The following WDR70 variants were observed in gnomAD, a reference collection of about 807,000 sequenced individuals.
WDR70 encodes WD repeat-containing protein 70.
Under a neutral mutation model 88.6 loss-of-function variants are expected in WDR70, and 53 were observed. That is an observed-to-expected ratio of 0.60 (90% CI 0.48 to 0.75). The LOEUF (loss-of-function observed/expected upper bound fraction) is 0.75. Ranked by LOEUF, WDR70 falls within the 30% of genes least tolerant of loss-of-function variation. WDR70 has a pLI of 0.00. For missense variants in WDR70, 610 were observed against 823.2 expected, an observed-to-expected ratio of 0.74 and a Z score of 3.17; for synonymous variants, 280 against 270.0, an observed-to-expected ratio of 1.04 and a Z score of -0.36.
chr5:37,540,959 C>T (rs968860101), intron 9 of WDR70, among the ~76,000 whole-genome samples: 1 of 152,164 alleles, frequency 6.6e-6, no homozygotes, highest in Non-Finnish European at 1.5e-5. Context: ...GGTTATAAAA[C>T]TCAGCATTCA....
At chr5:37,415,695 G>C (rs1749710483) in intron 5 of WDR70, among the ~76,000 whole-genome samples, 1 of 150,846 alleles carries the variant, frequency 6.6e-6, no homozygotes, top group Admixed American at 6.6e-5. Flanking sequence ...CCGGGCGGAG[G>C]GGCTCCTCAC....
rs534459897 is a variant in WDR70 at position 37,729,375 on chromosome 5, C to T, written c.1877+2330C>T. ...GCATACTAAGCTACCCATCTACACA[C>T]ATCTGTGTTTCTGAATGTATCAATC... is the stretch of plus-strand genomic sequence containing the variant. On this transcript the variant is annotated intron_variant, in intron 17 of 17. Transcript: ENST00000265107. Among the ~76,000 whole-genome samples the T allele has an allele frequency of 3.3e-5, 5 of 152,334 alleles. No homozygotes were observed. In the South Asian group the frequency reaches 1.0e-3, roughly 32 times the overall value.
intron 9 of WDR70, among the ~76,000 whole-genome samples, chr5:37,552,071 C>T (rs190027909): frequency 6.6e-4 from 100 of 152,016 alleles, no homozygotes; most frequent in African/African-American, 2.3e-3. Flanking sequence ...TGCACCCAGC[C>T]GAGCTCCATA....
At chr5:37,405,370 A>G (rs1222572591) in intron 5 of WDR70, among the ~76,000 whole-genome samples, 1 of 150,154 alleles carries the variant, frequency 6.7e-6, no homozygotes, top group East Asian at 1.9e-4. Flanking sequence ...TTTTTTTGAG[A>G]CAGACCCTCA....
At chr5:37,488,077 C>CTTT (rs34361001) in intron 8 of WDR70, among the ~76,000 whole-genome samples, 1 of 126,320 alleles carries the variant, frequency 7.9e-6, no homozygotes. Context: ...TCTTGGGTGG[C>CTTT]TTTTTTTTTT....
At chr5:37,637,003 T>C (rs996782127) in intron 10 of WDR70, among the ~76,000 whole-genome samples, 1 of 152,176 alleles carries the variant, frequency 6.6e-6, no homozygotes, top group African/African-American at 2.4e-5. Flanking sequence ...TGGACCTCTC[T>C]AACATTTTTA....
chr5:37,590,414 G>T (rs1210434441), intron 9 of WDR70, among the ~76,000 whole-genome samples: 1 of 152,140 alleles, frequency 6.6e-6, no homozygotes, highest in Non-Finnish European at 1.5e-5. Flanking sequence ...TTGGGAGAGT[G>T]TGTTTTGAGG....
At chr5:37,615,521 A>G (rs961698213) in intron 10 of WDR70, among the ~76,000 whole-genome samples, 1 of 152,224 alleles carries the variant, frequency 6.6e-6, no homozygotes, top group Non-Finnish European at 1.5e-5. Flanking sequence ...GTGTTAGTGC[A>G]AAGGGACGTC....
chr5:37,505,252 A>G (rs1045074161), intron 8 of WDR70, among the ~76,000 whole-genome samples: 9 of 152,192 alleles, frequency 5.9e-5, no homozygotes, highest in Admixed American at 2.0e-4. Flanking sequence ...AGCTGGCCTT[A>G]TGTAAATTAT....
chr5:37,734,776 G>A (rs961292204), intron 17 of WDR70, among the ~76,000 whole-genome samples: 1 of 152,074 alleles, frequency 6.6e-6, no homozygotes, highest in Non-Finnish European at 1.5e-5. Flanking sequence ...GCGAACACAA[G>A]AGGCCTTTAC....
chr5:37,605,329 GAA>G (rs1388320796), intron 10 of WDR70, 91 bp downstream of exon 10: 2 of 1,365,030 alleles, frequency 1.5e-6, no homozygotes, highest in Non-Finnish European at 1.9e-6. Flanking sequence ...AAAGTATTAT[GAA>G]GGTGAATTTC....
chr5:37,443,812 A>G (rs1311825207), intron 7 of WDR70, among the ~76,000 whole-genome samples: 2 of 152,038 alleles, frequency 1.3e-5, no homozygotes, highest in Non-Finnish European at 2.9e-5. Context: ...AGATTGTGCC[A>G]CTGCACTCCA....
chr5:37,491,328 AGAG>A (rs1274445098), intron 8 of WDR70, among the ~76,000 whole-genome samples: 1 of 152,126 alleles, frequency 6.6e-6, no homozygotes, highest in Non-Finnish European at 1.5e-5. Context: ...TTTTCTTTGT[AGAG>A]GAGGTGAGTG....
intron 10 of WDR70, among the ~76,000 whole-genome samples, chr5:37,606,392 AT>A (rs1159069092): frequency 6.6e-6 from 1 of 152,152 alleles, no homozygotes; most frequent in Non-Finnish European, 1.5e-5. Context: ...CAAGCAGTAA[AT>A]TTTTTAGTAA....
intron 10 of WDR70, among the ~76,000 whole-genome samples, chr5:37,674,235 T>A (rs758567239): frequency 9.2e-5 from 14 of 151,888 alleles, no homozygotes; most frequent in East Asian, 3.9e-4. Context: ...ATTTTCTTTT[T>A]TTTTATTTTA....
chr5:37,609,811 G>A (rs1226426833), intron 10 of WDR70, among the ~76,000 whole-genome samples: 3 of 152,160 alleles, frequency 2.0e-5, no homozygotes, highest in Non-Finnish European at 4.4e-5. Context: ...AAAGTGGAAC[G>A]GAGGAATCTG....
At chr5:37,722,763 A>T in intron 14 of WDR70, 92 bp from the exon 15 acceptor site, 1 of 1,167,760 alleles carries the variant, frequency 8.6e-7, no homozygotes, top group Non-Finnish European at 1.3e-6. Context: ...GCATGCACAG[A>T]GTATGTTCCT....
At chr5:37,529,408 T>C (rs957256475) in intron 9 of WDR70, among the ~76,000 whole-genome samples, 9 of 152,160 alleles carry the variant, frequency 5.9e-5, no homozygotes, top group Non-Finnish European at 1.0e-4. Context: ...AGATTGCTTT[T>C]GGCAGTATGG....
At chr5:37,445,718 G>C (rs1184475103) in intron 7 of WDR70, among the ~76,000 whole-genome samples, 3 of 152,154 alleles carry the variant, frequency 2.0e-5, no homozygotes, top group Non-Finnish European at 4.4e-5. Flanking sequence ...ATGCAGAAAA[G>C]GCCTTTGACA....
Sources: allele counts gnomAD v4.1 joint callset (sites outside exome capture counted in the v4.1 genomes callset), GRCh38; gene constraint gnomAD v4.1.1; transcripts MANE v1.5; gene names NCBI Gene and HGNC (gene_info 2026-07-23, HGNC 2026-07-21).